The following SH3BP4 variants were observed in gnomAD, a reference collection of about 807,000 sequenced individuals.
The protein encoded by SH3BP4 is SH3 domain-binding protein 4.
Under a neutral mutation model 65.5 loss-of-function variants are expected in SH3BP4, and 33 were observed. That is an observed-to-expected ratio of 0.50 (90% CI 0.38 to 0.67). SH3BP4 has a LOEUF of 0.67. Among genes scored for constraint, SH3BP4 ranks in the 30% least tolerant of loss-of-function variants. SH3BP4 has a pLI of 0.00. For synonymous variants in SH3BP4, 552 were observed against 545.5 expected (o/e 1.01, Z -0.17); for missense variants, 1,134 against 1,261.4 (o/e 0.90, Z 1.53).
intron 2 of SH3BP4, among the ~76,000 whole-genome samples, chr2:235,024,918 C>T (rs1034767662): frequency 3.3e-5 from 5 of 152,020 alleles, no homozygotes; most frequent in Non-Finnish European, 5.9e-5. Context: ...CTGAGTACAA[C>T]CCTCTGGCCA....
intron 1 of SH3BP4, among the ~76,000 whole-genome samples, chr2:234,966,957 G>C (rs1260439685): frequency 6.6e-6 from 1 of 152,146 alleles, no homozygotes; most frequent in African/African-American, 2.4e-5. Flanking sequence ...CCCTCTTTCT[G>C]ATTCTTGTTT....
At chr2:234,990,862 C>G (rs749718854) in intron 1 of SH3BP4, among the ~76,000 whole-genome samples, 6 of 152,216 alleles carry the variant, frequency 3.9e-5, no homozygotes, top group Non-Finnish European at 8.8e-5. Context: ...CCAGCCCTTT[C>G]TCCCTTAGCA....
intron 1 of SH3BP4, chr2:234,994,589 T>G (rs1693854645): frequency 1.3e-5 from 2 of 152,188 alleles, no homozygotes; most frequent in Non-Finnish European, 2.9e-5. Context: ...TGTAGTGATG[T>G]CAGCGCCGTG....
At chr2:235,012,333 T>C (rs1676376429) in intron 2 of SH3BP4, among the ~76,000 whole-genome samples, 1 of 152,212 alleles carries the variant, frequency 6.6e-6, no homozygotes, top group African/African-American at 2.4e-5. Context: ...AGGTCATTGC[T>C]GACCAGGCTC....
chr2:234,961,822 G>A, intron 1 of SH3BP4, among the ~76,000 whole-genome samples: 1 of 118,882 alleles, frequency 8.4e-6, no homozygotes. Context: ...AAGGTTTAGG[G>A]CTCATCCATG....
At chr2:234,960,583 A>T (rs750041147) in intron 1 of SH3BP4, among the ~76,000 whole-genome samples, 1 of 152,184 alleles carries the variant, frequency 6.6e-6, no homozygotes, top group Non-Finnish European at 1.5e-5. Context: ...TGTGTATCTT[A>T]TTGGAGCCAC....
In SH3BP4 at chr2:235,034,811, T is replaced by TACCATTGAACCCATGTTTCGC. The variant is rs1695320105; in HGVS notation, c.-132-59_-132-39dup. 1.7e-6 allele frequency: 1 copy of TACCATTGAACCCATGTTTCGC among 578,674 alleles called. No individual in the cohort carries two copies. Among genetic ancestry groups the TACCATTGAACCCATGTTTCGC allele is most frequent in the African/African-American group, 1.9e-5 (1 of 53,336 alleles). 35.8% of individuals were successfully genotyped at this position (578,674 alleles called of 1,614,324 possible). On this transcript the variant is annotated intron_variant, in intron 2 of 5. Coordinates refer to ENST00000392011, the MANE Select transcript of SH3BP4 (RefSeq NM_014521.3). The surrounding 1 kb of genome is among the most constrained non-coding windows in gnomAD (Gnocchi z 6.2). ...AGAGGATTCCCACTTCCCATAAAAT[T>TACCATTGAACCCATGTTTCGC]ACCATTGAACCCATGTTTCGCTTGC...
In SH3BP4 at chr2:234,976,209, C is replaced by A. The variant is rs372167034; in HGVS notation, c.-206-19094C>A. Reference sequence around the variant, plus strand: ...ATGAAGAGCGGCTCCTGCGGGGTGGCCCGGGTTACCCCAGCAGCAGCCCAC... The same window carrying A: ...ATGAAGAGCGGCTCCTGCGGGGTGGACCGGGTTACCCCAGCAGCAGCCCAC... On this transcript the variant is annotated intron_variant, in intron 1 of 5. Coordinates refer to ENST00000392011, the MANE Select transcript of SH3BP4 (RefSeq NM_014521.3). This position sits in a 1 kb window ranked among gnomAD's most constrained non-coding sequence, Gnocchi z 4.7. Among the ~76,000 whole-genome samples the A allele has an allele frequency of 6.6e-6, 1 of 152,160 alleles. No homozygotes were observed. The highest frequency in any genetic ancestry group is 2.1e-4 in the South Asian group (1 of 4,824).
intron 1 of SH3BP4, among the ~76,000 whole-genome samples, chr2:234,987,969 C>G (rs898195834): frequency 7.9e-5 from 12 of 152,180 alleles, no homozygotes; most frequent in African/African-American, 2.4e-4. Flanking sequence ...GGCGCCATGA[C>G]ACAGGGACAC....
rs552963317 is a variant in SH3BP4, at chr2:235,040,890, C to A, written c.121C>A (p.Pro41Thr). ...SETSFNDIKV[P>T]SPSALLVDNP... ...TGTTTTCTTTGTGTTTTGCACAGTG[C>A]CTTCTCCCAGTGCCTTGCTCGTAGA... Residue 41 changes from proline (P) to threonine (T), a missense_variant and splice_region_variant, in exon 4 of 6, where the codon CCT becomes ACT. Physicochemically the swap from Pro to Thr is conservative, Grantham distance 38. Coordinates refer to ENST00000392011, the MANE Select transcript of SH3BP4 (RefSeq NM_014521.3). The A allele has an allele frequency of 5.6e-6, 9 of 1,609,196 alleles. No homozygotes were observed. The South Asian group carries it at 9.9e-5, about 18-fold the overall frequency.
At chr2:234,960,814 T>G (rs1163556995) in intron 1 of SH3BP4, among the ~76,000 whole-genome samples, 1 of 152,208 alleles carries the variant, frequency 6.6e-6, no homozygotes, top group African/African-American at 2.4e-5. Context: ...CAGCCTGATT[T>G]GCAAAACTGA....
rs184744812 is a variant in SH3BP4 at position 235,034,536 on chromosome 2, G to A, written c.-132-335G>A. 2.6e-5 allele frequency among the ~76,000 whole-genome samples: 4 copies of A among 152,298 alleles called. No homozygotes were observed. The highest frequency in any genetic ancestry group is 3.4e-3 in the Middle Eastern group (1 of 294). On this transcript the variant is annotated intron_variant, in intron 2 of 5. Coordinates refer to ENST00000392011, the MANE Select transcript of SH3BP4 (RefSeq NM_014521.3). This position sits in a 1 kb window ranked among gnomAD's most constrained non-coding sequence, Gnocchi z 6.2. ...AGCAGCATGAACTGTACAGTCCTGC[G>A]CTGTCCTCCTCTTTGACTGTAATGA...
rs549155974 is a variant in SH3BP4 at position 235,011,078 on chromosome 2, C to T, written c.-133+15702C>T. Among the ~76,000 whole-genome samples, 3 of 149,824 alleles carry T rather than the reference C, an allele frequency of 2.0e-5. No homozygotes were observed. In the South Asian group the frequency reaches 6.4e-4, roughly 32 times the overall value. On this transcript the variant is annotated intron_variant, in intron 2 of 5. Coordinates refer to ENST00000392011, the MANE Select transcript of SH3BP4 (RefSeq NM_014521.3). ...CCTCCCTCTCCTAGGAGAACCCTTC[C>T]TCCCTCTTCTAGAACCCTTCCTTAC... is the stretch of plus-strand genomic sequence containing the variant.
chr2:235,053,371 G>C (rs934801515), intron 5 of SH3BP4, among the ~76,000 whole-genome samples: 3 of 152,106 alleles, frequency 2.0e-5, no homozygotes, highest in Non-Finnish European at 4.4e-5. Flanking sequence ...CATTTGTTGC[G>C]CACCTACTCT....
At chr2:234,970,660 C>T (rs1402583132) in intron 1 of SH3BP4, among the ~76,000 whole-genome samples, 1 of 152,206 alleles carries the variant, frequency 6.6e-6, no homozygotes, top group South Asian at 2.1e-4. Context: ...TCCCTCGGGG[C>T]GCCCGCCTTG....
rs538629122 is a variant in SH3BP4, at chr2:234,958,313, T to C, written c.-207+6143T>C. 2.6e-5 allele frequency among the ~76,000 whole-genome samples: 4 copies of C among 152,168 alleles called. No homozygotes were observed. In the East Asian group the frequency reaches 5.8e-4, roughly 22 times the overall value. On this transcript the variant is annotated intron_variant, in intron 1 of 5. Coordinates refer to ENST00000392011, the MANE Select transcript of SH3BP4 (RefSeq NM_014521.3). ...GAGCTTTCCTTGGAGGCAGTAAGCA[T>C]GTGGGAGGGAAAAGTCATTCAACTT... is the stretch of plus-strand genomic sequence containing the variant.
chr2:234,962,876 C>T (rs1692747168), intron 1 of SH3BP4, among the ~76,000 whole-genome samples: 1 of 151,988 alleles, frequency 6.6e-6, no homozygotes, highest in Admixed American at 6.6e-5. Flanking sequence ...CAGGCACTTG[C>T]CTGTAATTTT....
intron 1 of SH3BP4, among the ~76,000 whole-genome samples, chr2:234,994,047 A>G (rs1693836515): frequency 6.6e-6 from 1 of 152,180 alleles, no homozygotes. Flanking sequence ...GATTTTGCAC[A>G]TCGCTTGTAC....
intron 2 of SH3BP4, among the ~76,000 whole-genome samples, chr2:234,996,144 TC>T (rs1280931068): frequency 6.6e-6 from 1 of 152,134 alleles, no homozygotes; most frequent in Non-Finnish European, 1.5e-5. Flanking sequence ...TACAAGTCTT[TC>T]CCCACCAAGT....
Sources: gnomAD v4.1 joint callset for allele counts (sites outside exome capture counted in the v4.1 genomes callset) on GRCh38, gnomAD v4.1.1 for gene constraint, Gnocchi (gnomAD v3.1) non-coding constraint, MANE v1.5 for transcripts, NCBI Gene and HGNC (gene_info 2026-07-23, HGNC 2026-07-21) for gene names.